The following ULK4 variants were observed in gnomAD, a reference collection of about 807,000 sequenced individuals.
ULK4 encodes unc-51 like kinase 4.
ULK4 carries 133 observed loss-of-function variants against 160.6 expected under a neutral mutation model. The ratio of observed to expected loss-of-function variants is 0.83; its 90% confidence interval spans 0.72 to 0.96. ULK4 has a LOEUF of 0.96. Ranked by LOEUF, ULK4 falls within the 40% of genes least tolerant of loss-of-function variation. The pLI is 0.00. For synonymous variants in ULK4, 534 were observed against 539.8 expected (o/e 0.99, Z 0.15); for missense variants, 1,580 against 1,499.5 (o/e 1.05, Z -0.89).
intron 31 of ULK4, among the ~76,000 whole-genome samples, chr3:41,569,250 C>A (rs879238358): frequency 6.6e-6 from 1 of 152,108 alleles, no homozygotes; most frequent in Non-Finnish European, 1.5e-5. Context: ...ATCAACTTAA[C>A]CTCAGCCCCT....
At chr3:41,623,740 A>T (rs1156674779) in intron 30 of ULK4, among the ~76,000 whole-genome samples, 2 of 152,198 alleles carry the variant, frequency 1.3e-5, no homozygotes, top group Non-Finnish European at 2.9e-5. Context: ...ATCAAAGGGT[A>T]TAAAGTTAAG....
chr3:41,856,177 C>A (rs542395196), intron 17 of ULK4, among the ~76,000 whole-genome samples: 2 of 152,148 alleles, frequency 1.3e-5, no homozygotes, highest in African/African-American at 4.8e-5. Context: ...TCACTTCATT[C>A]CACACAAAAA....
intron 17 of ULK4, among the ~76,000 whole-genome samples, chr3:41,842,329 TG>T (rs1336880106): frequency 5.9e-5 from 9 of 151,560 alleles, no homozygotes; most frequent in Non-Finnish European, 7.4e-5. Context: ...AGAAAAAAAA[TG>T]GTTGCAATTA....
At chr3:41,307,122 G>C (rs1382923744) in intron 35 of ULK4, among the ~76,000 whole-genome samples, 1 of 145,880 alleles carries the variant, frequency 6.9e-6, no homozygotes, top group African/African-American at 2.6e-5. Context: ...CCCTCTGTGA[G>C]AAACACCCAA....
chr3:41,962,050 T>C lies in ULK4; in HGVS notation c.-83A>G, dbSNP rs1286697656. The C allele has an allele frequency of 6.6e-6, 1 of 152,526 alleles. No individual in the cohort carries two copies. The highest frequency in any genetic ancestry group is 1.5e-5 in the Non-Finnish European group (1 of 68,244). The allele number at this position is 152,526 out of a possible 1,614,324, so 9.4% of individuals were successfully genotyped here. A position where few individuals can be genotyped will look rare whatever the true frequency, so the allele number is the denominator to read the frequency against. Reference sequence around the variant, plus strand: ...AAGTCAAGAAAAGAGTCCAGTCCACTTGGCTGCTCCCGCGGTTGCGCGCAT... The same window carrying C: ...AAGTCAAGAAAAGAGTCCAGTCCACCTGGCTGCTCCCGCGGTTGCGCGCAT... On this transcript the variant is annotated 5_prime_UTR_variant, in exon 1 of 37. Coordinates refer to ENST00000301831, the MANE Select transcript of ULK4 (RefSeq NM_017886.4).
intron 21 of ULK4, 118 bp downstream of exon 21, chr3:41,789,542 CA>C: frequency 1.0e-6 from 1 of 982,756 alleles, no homozygotes; most frequent in Non-Finnish European, 1.4e-6. Flanking sequence ...TGGCAAAGTT[CA>C]AAAAGGCCTC....
intron 31 of ULK4, among the ~76,000 whole-genome samples, chr3:41,587,429 T>A (rs1393291969): frequency 6.6e-6 from 1 of 152,164 alleles, no homozygotes; most frequent in African/African-American, 2.4e-5. Context: ...TTTTGGCATG[T>A]AGTGGGGATA....
chr3:41,843,935 T>C (rs1217622718), intron 17 of ULK4, among the ~76,000 whole-genome samples: 3 of 152,018 alleles, frequency 2.0e-5, no homozygotes, highest in African/African-American at 7.2e-5. Context: ...ACAGAGTGTC[T>C]GCACAAAGGT....
At chr3:41,699,805 A>T (rs1260197380) in intron 27 of ULK4, among the ~76,000 whole-genome samples, 1 of 152,244 alleles carries the variant, frequency 6.6e-6, no homozygotes. Context: ...AAAATTTCTC[A>T]TGAGTTATAT....
intron 32 of ULK4, among the ~76,000 whole-genome samples, chr3:41,524,803 T>C (rs1181934882): frequency 6.6e-6 from 1 of 152,064 alleles, no homozygotes; most frequent in Non-Finnish European, 1.5e-5. Context: ...CCGGGTGTGG[T>C]GACACGTGCC....
chr3:41,524,242 G>T (rs550059335), intron 32 of ULK4, among the ~76,000 whole-genome samples: 1 of 152,174 alleles, frequency 6.6e-6, no homozygotes, highest in African/African-American at 2.4e-5. Context: ...CTCTAAATGG[G>T]TGAACTGTGT....
intron 32 of ULK4, among the ~76,000 whole-genome samples, chr3:41,496,383 A>G (rs797007769): frequency 2.0e-5 from 3 of 152,234 alleles, no homozygotes; most frequent in African/African-American, 7.2e-5. Flanking sequence ...AAAAAGCAAT[A>G]TAAGACTCTG....
At chr3:41,717,333 A>G (rs1320091561) in intron 23 of ULK4, among the ~76,000 whole-genome samples, 1 of 152,196 alleles carries the variant, frequency 6.6e-6, no homozygotes, top group Non-Finnish European at 1.5e-5. Context: ...TTTTTTTAAC[A>G]ATAAATAAAT....
At chr3:41,694,971 T>G (rs1347147128) in intron 27 of ULK4, among the ~76,000 whole-genome samples, 1 of 152,188 alleles carries the variant, frequency 6.6e-6, no homozygotes, top group Non-Finnish European at 1.5e-5. Context: ...CACTGCATAA[T>G]TTAATAATAG....
intron 1 of ULK4, among the ~76,000 whole-genome samples, chr3:41,957,468 C>G (rs1182649847): frequency 1.2e-5 from 1 of 80,652 alleles, no homozygotes; most frequent in Non-Finnish European, 3.3e-5. Flanking sequence ...AAAAAAAAAT[C>G]AATCTTTCAT....
At position 41,246,959 on chromosome 3, in the gene ULK4, G is replaced by A. The variant is rs2078654801; in HGVS notation, c.3798C>T (p.Ala1266=). 1 of 1,613,826 alleles carries A rather than the reference G, an allele frequency of 6.2e-7. No individual in the cohort carries two copies. The change falls in exon 37 of 37, where the codon GCC becomes GCT. Residue 1266 remains alanine (A), a synonymous_variant. Transcript: ENST00000301831. ...GCCCAACGGCTTGGAGGATTTCCAG[G>A]GCCAAGGGAGCCACCGCACTGTCGG... ...SFADSAVAPL[A]LEILQAVGH
intron 34 of ULK4, among the ~76,000 whole-genome samples, chr3:41,433,217 C>G (rs970147067): frequency 6.6e-6 from 1 of 152,110 alleles, no homozygotes; most frequent in Non-Finnish European, 1.5e-5. Flanking sequence ...AAAAGACACA[C>G]AAATGACTAA....
chr3:41,416,780 T>C (rs1169476102), intron 34 of ULK4, among the ~76,000 whole-genome samples: 1 of 152,178 alleles, frequency 6.6e-6, no homozygotes, highest in Non-Finnish European at 1.5e-5. Context: ...GTGACCAATG[T>C]ACCTACTTTA....
At chr3:41,576,351 G>A (rs1010340749) in intron 31 of ULK4, among the ~76,000 whole-genome samples, 2 of 152,192 alleles carry the variant, frequency 1.3e-5, no homozygotes, top group Non-Finnish European at 2.9e-5. Flanking sequence ...TGGCCACCAA[G>A]TGTAGAGAAA....
Sources: gnomAD v4.1 joint callset for allele counts (sites outside exome capture counted in the v4.1 genomes callset) on GRCh38, gnomAD v4.1.1 for gene constraint, MANE v1.5 for transcripts, NCBI Gene and HGNC (gene_info 2026-07-23, HGNC 2026-07-21) for gene names.